The following CNBD1 variants were observed in gnomAD, a reference collection of about 807,000 sequenced individuals.
The protein encoded by CNBD1 is cyclic nucleotide-binding domain-containing protein 1.
CNBD1 carries 71 observed loss-of-function variants against 54.4 expected under a neutral mutation model. That is an observed-to-expected ratio of 1.30 (90% CI 1.08 to 1.59). The LOEUF is 1.59. Ranked by LOEUF, CNBD1 falls within the 40% of genes most tolerant of loss-of-function variation. The pLI is 0.00. For synonymous variants in CNBD1, 182 were observed against 170.7 expected, an observed-to-expected ratio of 1.07 and a Z score of -0.51; for missense variants, 659 against 518.0, an observed-to-expected ratio of 1.27 and a Z score of -2.64.
At chr8:87,052,558 G>A in intron 4 of CNBD1, among the ~76,000 whole-genome samples, 1 of 152,086 alleles carries the variant, frequency 6.6e-6, no homozygotes, top group East Asian at 1.9e-4. Context: ...ATTCTTAAGG[G>A]GTACTGCCTC....
At chr8:86,941,810 C>G (rs549345986) in intron 4 of CNBD1, among the ~76,000 whole-genome samples, 9 of 152,220 alleles carry the variant, frequency 5.9e-5, no homozygotes, top group African/African-American at 2.2e-4. Flanking sequence ...TTTTGTGGAC[C>G]TCCATGGATG....
At position 87,306,329 on chromosome 8, in the gene CNBD1, A is replaced by G. The variant is rs114219722; in HGVS notation, c.1042+19658A>G. Among the ~76,000 whole-genome samples the G allele has an allele frequency of 6.3e-3, 957 of 152,274 alleles. 11 individuals are homozygous for G. The highest frequency in any genetic ancestry group is 0.022 in the African/African-American group (913 of 41,564). On this transcript the variant is annotated intron_variant, in intron 8 of 10. Coordinates refer to ENST00000518476, the MANE Select transcript of CNBD1 (RefSeq NM_173538.3). ...GTAAACTAGTATAGCTGCTATGGAA[A>G]ACAGTGTGGATATTCCTTTAAGAAC...
At chr8:87,216,383 A>G (rs11996134) in intron 5 of CNBD1, among the ~76,000 whole-genome samples, 1,922 of 152,326 alleles carry the variant, frequency 0.013, 39 homozygotes, top group African/African-American at 0.04. Context: ...CATACATTGA[A>G]TATATCATAC....
intron 8 of CNBD1, 151 bp from the exon 9 acceptor site, chr8:87,351,534 T>G (rs1043650744): frequency 3.2e-6 from 2 of 630,388 alleles, no homozygotes; most frequent in Non-Finnish European, 4.8e-6. Flanking sequence ...TTTTACATCT[T>G]GTATTAAGTA....
intron 4 of CNBD1, among the ~76,000 whole-genome samples, chr8:86,993,000 T>G (rs908009579): frequency 3.3e-5 from 5 of 152,156 alleles, no homozygotes; most frequent in African/African-American, 1.2e-4. Context: ...TGTCAACCTC[T>G]TTATTGAAAT....
chr8:86,887,554 C>T lies in CNBD1; in HGVS notation c.101C>T (p.Ser34Phe). Residue 34 changes from serine to phenylalanine, a missense_variant, in exon 2 of 11, where the codon TCT becomes TTT. Ser to Phe is a radical substitution (Grantham distance 155). Transcript: ENST00000518476. ...PLHSIPNLKK[S>F]KHINYGQLNA... ...GATTTTTTTTCAGACTTGAAAAAGT[C>T]TAAGCACATTAATTATGGCCAGTTG... The T allele has an allele frequency of 6.4e-7, 1 of 1,567,278 alleles. No individual in the cohort carries two copies. The highest frequency in any genetic ancestry group is 8.7e-7 in the Non-Finnish European group (1 of 1,153,306).
In CNBD1 at chr8:87,315,308, T is replaced by G. The variant is rs575050978; in HGVS notation, c.1042+28637T>G. 3.4e-3 allele frequency among the ~76,000 whole-genome samples: 511 copies of G among 152,210 alleles called. 5 individuals are homozygous for G. The highest frequency in any genetic ancestry group is 5.0e-3 in the Non-Finnish European group (341 of 67,990). On this transcript the variant is annotated intron_variant, in intron 8 of 10. Transcript: ENST00000518476. ...ATAAAAAATTGACAGATTTATTTTCTTACCTCTGGTATCTCTGTTTGTTTG... is the reference window on the plus strand; with the variant it reads ...ATAAAAAATTGACAGATTTATTTTCGTACCTCTGGTATCTCTGTTTGTTTG...
intron 4 of CNBD1, among the ~76,000 whole-genome samples, chr8:87,127,178 G>A (rs1447948770): frequency 6.6e-6 from 1 of 151,962 alleles, no homozygotes; most frequent in African/African-American, 2.4e-5. Context: ...TTAGAATTAG[G>A]TTGTCAACTG....
At chr8:87,102,134 G>T (rs990112308) in intron 4 of CNBD1, among the ~76,000 whole-genome samples, 1 of 151,960 alleles carries the variant, frequency 6.6e-6, no homozygotes, top group East Asian at 1.9e-4. Flanking sequence ...TGATCTGCCC[G>T]CCTCGGCCTC....
chr8:87,137,057 TTATATTTATATTCTATGTAAATTATA>T, intron 4 of CNBD1, among the ~76,000 whole-genome samples: 1 of 127,044 alleles, frequency 7.9e-6, no homozygotes, highest in African/African-American at 3.0e-5. Flanking sequence ...ATTATATATA[TTATATTTATATTCTATGTAAATTATA>T]TATATTTATA....
chr8:86,942,679 T>C (rs968555706), intron 4 of CNBD1, among the ~76,000 whole-genome samples: 3 of 152,212 alleles, frequency 2.0e-5, no homozygotes, highest in African/African-American at 4.8e-5. Context: ...TGATATAACC[T>C]AATCAGGGGC....
intron 4 of CNBD1, among the ~76,000 whole-genome samples, chr8:87,085,199 A>G (rs1361724006): frequency 1.3e-5 from 2 of 152,168 alleles, no homozygotes; most frequent in African/African-American, 4.8e-5. Context: ...GATCCCATCA[A>G]AGGCATTCTT....
intron 3 of CNBD1, among the ~76,000 whole-genome samples, chr8:86,909,798 TAGAAG>T (rs1323509151): frequency 2.0e-5 from 3 of 152,220 alleles, no homozygotes; most frequent in Non-Finnish European, 4.4e-5. Flanking sequence ...TTTAAATACA[TAGAAG>T]AGAAACATTC....
In CNBD1 at chr8:87,129,307, G is replaced by C. The variant is rs111435681; in HGVS notation, c.432-76686G>C. The stretch of plus-strand genomic sequence containing the variant: ...GCCATCTGGGCCAAAAGTCGTCTTT[G>C]TGGGAAGATCTTTAGCTACAAGTTA... On this transcript the variant is annotated intron_variant, in intron 4 of 10. Coordinates refer to ENST00000518476, the MANE Select transcript of CNBD1 (RefSeq NM_173538.3). 2.7e-3 allele frequency among the ~76,000 whole-genome samples: 414 copies of C among 152,082 alleles called. 2 individuals carry two copies. Among genetic ancestry groups the C allele is most frequent in the African/African-American group, 9.6e-3 (398 of 41,512 alleles).
At chr8:87,425,813 C>A (rs2130997064) in intron 2 of CNBD1, among the ~76,000 whole-genome samples, 1 of 152,196 alleles carries the variant, frequency 6.6e-6, no homozygotes, top group Middle Eastern at 3.4e-3. Flanking sequence ...CCTACAGAGG[C>A]AGGCAGGCCT....
At chr8:87,423,491 G>A (rs1563596811) in intron 2 of CNBD1, among the ~76,000 whole-genome samples, 1 of 151,660 alleles carries the variant, frequency 6.6e-6, no homozygotes, top group Non-Finnish European at 1.5e-5. Flanking sequence ...ATGAAGGGTT[G>A]TTGAATTTTG....
intron 8 of CNBD1, 114 bp from the exon 9 acceptor site, chr8:87,351,571 A>T: frequency 9.9e-7 from 1 of 1,005,052 alleles, no homozygotes; most frequent in Non-Finnish European, 1.4e-6. Context: ...ATCTATTAAG[A>T]AACTTACTAT....
chr8:87,379,867 A>G (rs79980883), intron 10 of CNBD1, among the ~76,000 whole-genome samples: 2,609 of 151,692 alleles, frequency 0.017, 76 homozygotes, highest in African/African-American at 0.057. Context: ...GCTTAGTAGC[A>G]AATCCTAAGC....
At chr8:87,317,101 G>T (rs965745255) in intron 8 of CNBD1, among the ~76,000 whole-genome samples, 11 of 151,678 alleles carry the variant, frequency 7.3e-5, no homozygotes, top group Non-Finnish European at 1.5e-5. Context: ...TTGTGGGGGT[G>T]AACTGTCTGA....
Sources: allele counts gnomAD v4.1 joint callset (sites outside exome capture counted in the v4.1 genomes callset), GRCh38; gene constraint gnomAD v4.1.1; transcripts MANE v1.5; gene names NCBI Gene and HGNC (gene_info 2026-07-23, HGNC 2026-07-21).